The following CNTNAP4 variants were observed in gnomAD, a reference collection of about 807,000 sequenced individuals.
CNTNAP4 encodes the protein contactin-associated protein-like 4.
CNTNAP4 carries 98 observed loss-of-function variants against 148.4 expected under a neutral mutation model. The ratio of observed to expected loss-of-function variants is 0.66; its 90% CI spans 0.56 to 0.78. CNTNAP4 has a LOEUF of 0.78. Among genes scored for constraint, CNTNAP4 ranks in the 30% least tolerant of loss-of-function variants. The probability of loss-of-function intolerance (pLI) is 0.00; values close to 1 mark genes in which losing one functional copy is unlikely to be tolerated. For synonymous variants in CNTNAP4, 730 were observed against 565.1 expected (o/e 1.29, Z -4.14); for missense variants, 1,935 against 1,565.6 (o/e 1.24, Z -3.98).
intron 1 of CNTNAP4, chr16:76,309,915 G>C: frequency 2.9e-6 from 2 of 700,696 alleles, no homozygotes; most frequent in Non-Finnish European, 5.2e-6. Flanking sequence ...CTGTGAGTCC[G>C]GTTAAGTCTC....
At chr16:76,453,219 T>A (rs916368781) in intron 8 of CNTNAP4, among the ~76,000 whole-genome samples, 3 of 152,212 alleles carry the variant, frequency 2.0e-5, no homozygotes, top group Non-Finnish European at 4.4e-5. Flanking sequence ...TCTGTATGAG[T>A]GTACAGTGTG....
At chr16:76,407,767 A>G (rs1002053283) in intron 3 of CNTNAP4, among the ~76,000 whole-genome samples, 7 of 152,176 alleles carry the variant, frequency 4.6e-5, no homozygotes, top group African/African-American at 1.7e-4. Flanking sequence ...AAGGATTTAG[A>G]ATATTACATG....
chr16:76,288,626 A>G (rs1958986124), intron 1 of CNTNAP4, among the ~76,000 whole-genome samples: 1 of 152,208 alleles, frequency 6.6e-6, no homozygotes, highest in Admixed American at 6.5e-5. Flanking sequence ...GACTATCAAA[A>G]TGGATTTTTA....
intron 1 of CNTNAP4, among the ~76,000 whole-genome samples, chr16:76,288,456 A>G (rs1260867878): frequency 2.6e-5 from 4 of 151,982 alleles, no homozygotes; most frequent in African/African-American, 9.7e-5. Flanking sequence ...CTTTGCGTAA[A>G]TTACCCTCAA....
intron 21 of CNTNAP4, 41 bp from the exon 22 acceptor site, chr16:76,553,242 C>G (rs929901316): frequency 2.3e-6 from 3 of 1,313,670 alleles, no homozygotes; most frequent in Non-Finnish European, 2.2e-6. Flanking sequence ...CCTATTTTCA[C>G]TTTTCACTAC....
At chr16:76,505,156 G>GT (rs984968903) in intron 15 of CNTNAP4, among the ~76,000 whole-genome samples, 1 of 152,032 alleles carries the variant, frequency 6.6e-6, no homozygotes, top group Non-Finnish European at 1.5e-5. Flanking sequence ...CATATAGTCA[G>GT]TTTTTTGTTA....
chr16:76,545,232 C>G (rs969759085), intron 21 of CNTNAP4, among the ~76,000 whole-genome samples: 1 of 152,056 alleles, frequency 6.6e-6, no homozygotes, highest in African/African-American at 2.4e-5. Flanking sequence ...GTCTTCAGTG[C>G]GTAGCATGAC....
chr16:76,540,397 A>G (rs974908649), intron 20 of CNTNAP4, among the ~76,000 whole-genome samples: 2 of 151,992 alleles, frequency 1.3e-5, no homozygotes, highest in African/African-American at 4.8e-5. Context: ...GGCTTCATCA[A>G]TTTTGGATTC....
At chr16:76,336,580 A>C (rs1431829028) in intron 2 of CNTNAP4, among the ~76,000 whole-genome samples, 3 of 152,266 alleles carry the variant, frequency 2.0e-5, no homozygotes, top group African/African-American at 7.2e-5. Flanking sequence ...AAAAGACCTG[A>C]ACCAGGTTGC....
At chr16:76,492,949 C>CT (rs5817996) in intron 13 of CNTNAP4, among the ~76,000 whole-genome samples, 100,967 of 148,570 alleles carry the variant, frequency 0.68, 34,483 homozygotes, top group East Asian at 0.84. Flanking sequence ...TGCTTGCACA[C>CT]TTTTTTTTTT....
At position 76,368,452 on chromosome 16, in the gene CNTNAP4, A is replaced by G. The variant is rs1402543096; in HGVS notation, c.390+12941A>G. 2.0e-5 allele frequency among the ~76,000 whole-genome samples: 3 copies of G among 152,342 alleles called. No individual in the cohort carries two copies. In the East Asian group the frequency reaches 5.8e-4, roughly 29 times the overall value. Reference sequence around the variant, plus strand: ...AATGCCCATCAATCATAGACTGGATAAAGAAAATGTGGCACATATACACTG... The same window carrying G: ...AATGCCCATCAATCATAGACTGGATGAAGAAAATGTGGCACATATACACTG... On this transcript the variant is annotated intron_variant, in intron 3 of 23. Transcript: ENST00000611870.
chr16:76,475,736 A>G (rs960027981), intron 10 of CNTNAP4, among the ~76,000 whole-genome samples: 2 of 152,216 alleles, frequency 1.3e-5, no homozygotes, highest in Non-Finnish European at 2.9e-5. Context: ...AGCAGTCACA[A>G]CTATCTGAGA....
At chr16:76,543,912 C>T (rs1463936210) in intron 21 of CNTNAP4, among the ~76,000 whole-genome samples, 1 of 151,748 alleles carries the variant, frequency 6.6e-6, no homozygotes, top group Non-Finnish European at 1.5e-5. Flanking sequence ...TTTTTGTAAG[C>T]CCAGGTGACT....
chr16:76,324,201 G>A (rs1180291814), intron 2 of CNTNAP4, among the ~76,000 whole-genome samples: 11 of 152,078 alleles, frequency 7.2e-5, no homozygotes, highest in Admixed American at 7.2e-4. Flanking sequence ...TAAGATACAG[G>A]AATTCAAAAT....
At chr16:76,354,228 A>G (rs2012260035) in intron 2 of CNTNAP4, among the ~76,000 whole-genome samples, 1 of 152,254 alleles carries the variant, frequency 6.6e-6, no homozygotes, top group African/African-American at 2.4e-5. Context: ...TGTTACTTAC[A>G]TAATCAGCAA....
intron 15 of CNTNAP4, 116 bp from the exon 16 acceptor site, chr16:76,521,024 A>C: frequency 1.1e-6 from 1 of 942,798 alleles, no homozygotes; most frequent in South Asian, 1.5e-5. Flanking sequence ...GATTTGTATA[A>C]ATAACATTTT....
chr16:76,331,523 G>A (rs1025477488), intron 2 of CNTNAP4, among the ~76,000 whole-genome samples: 4 of 149,728 alleles, frequency 2.7e-5, no homozygotes, highest in Non-Finnish European at 4.4e-5. Flanking sequence ...TTTTCTTAGT[G>A]ATTACTTTGG....
intron 15 of CNTNAP4, among the ~76,000 whole-genome samples, chr16:76,508,754 T>TG (rs574659362): frequency 3.4e-5 from 1 of 29,820 alleles, no homozygotes; most frequent in Admixed American, 5.7e-4. Context: ...AAATCATAAC[T>TG]TTTTTTTTTT....
intron 14 of CNTNAP4, among the ~76,000 whole-genome samples, chr16:76,498,097 T>C (rs1273520564): frequency 6.6e-6 from 1 of 152,184 alleles, no homozygotes; most frequent in Non-Finnish European, 1.5e-5. Flanking sequence ...CATTTAAATG[T>C]CATTATGTTT....
Sources: gnomAD v4.1 joint callset for allele counts (sites outside exome capture counted in the v4.1 genomes callset) on GRCh38, gnomAD v4.1.1 for gene constraint, MANE v1.5 for transcripts, NCBI Gene and HGNC (gene_info 2026-07-23, HGNC 2026-07-21) for gene names.